DCC: variants seen among roughly 807,000 people sequenced by gnomAD.
DCC encodes the protein netrin receptor DCC.
In DCC, 58 loss-of-function variants were observed where a neutral mutation model predicts 172.5. The observed-to-expected ratio is 0.34, with a 90% CI of 0.27 to 0.42. The LOEUF (loss-of-function observed/expected upper bound fraction) is 0.42, where lower values mean the gene tolerates loss of function less well. Ranked by LOEUF, DCC falls within the 10% of genes least tolerant of loss-of-function variation. DCC has a pLI of 1.00. For synonymous variants in DCC, 709 were observed against 644.5 expected (o/e 1.10, Z -1.52); for missense variants, 1,740 against 1,791.0 (o/e 0.97, Z 0.51).
At chr18:52,866,934 G>GA (rs2039238265) in intron 2 of DCC, among the ~76,000 whole-genome samples, 1 of 152,194 alleles carries the variant, frequency 6.6e-6, no homozygotes, top group South Asian at 2.1e-4. Flanking sequence ...AGAGTCGTGA[G>GA]AGAAGGCATC....
chr18:52,713,382 A>G (rs1441863029), intron 1 of DCC, among the ~76,000 whole-genome samples: 1 of 152,226 alleles, frequency 6.6e-6, no homozygotes, highest in Middle Eastern at 3.2e-3. Context: ...CTGAACTTTA[A>G]TTCTACAAGG....
At chr18:53,461,876 T>C (rs1333126827) in intron 24 of DCC, among the ~76,000 whole-genome samples, 2 of 152,234 alleles carry the variant, frequency 1.3e-5, no homozygotes, top group East Asian at 3.8e-4. Context: ...TATTTGGCTC[T>C]AGGGACTGGG....
At chr18:53,276,108 A>G (rs1035321681) in intron 12 of DCC, among the ~76,000 whole-genome samples, 3 of 152,178 alleles carry the variant, frequency 2.0e-5, no homozygotes, top group Non-Finnish European at 4.4e-5. Flanking sequence ...TAGGATAGTT[A>G]TGAAATAGGC....
intron 9 of DCC, among the ~76,000 whole-genome samples, chr18:53,186,816 C>T (rs1029660606): frequency 6.6e-6 from 1 of 152,236 alleles, no homozygotes; most frequent in South Asian, 2.1e-4. Flanking sequence ...TGAGATTAAG[C>T]AGGTGTGGTG....
chr18:53,148,035 T>C (rs936111496), intron 7 of DCC, among the ~76,000 whole-genome samples: 31 of 152,222 alleles, frequency 2.0e-4, no homozygotes, highest in Admixed American at 2.0e-3. Flanking sequence ...ACTGGAAACA[T>C]TTAGTTGTTT....
intron 7 of DCC, among the ~76,000 whole-genome samples, chr18:53,118,920 T>C (rs1188245638): frequency 6.6e-6 from 1 of 151,808 alleles, no homozygotes; most frequent in African/African-American, 2.4e-5. Context: ...TTCTCTCTCT[T>C]TATCAGGTGA....
chr18:53,189,853 A>G (rs1019894903), intron 9 of DCC, among the ~76,000 whole-genome samples: 3 of 152,166 alleles, frequency 2.0e-5, no homozygotes, highest in African/African-American at 7.2e-5. Context: ...TTGGATTTCT[A>G]CTGTTTGACC....
At chr18:53,098,801 GT>G (rs1379649883) in intron 7 of DCC, among the ~76,000 whole-genome samples, 1 of 152,116 alleles carries the variant, frequency 6.6e-6, no homozygotes, top group East Asian at 1.9e-4. Context: ...GAGCCTAGTA[GT>G]TTGAGACCAG....
chr18:52,919,369 A>G (rs2145477805), intron 3 of DCC, among the ~76,000 whole-genome samples: 1 of 152,346 alleles, frequency 6.6e-6, no homozygotes, highest in East Asian at 1.9e-4. Context: ...TGTATGAACT[A>G]CTTACTATTA....
At chr18:53,005,627 C>A (rs1337613551) in intron 5 of DCC, among the ~76,000 whole-genome samples, 2 of 152,176 alleles carry the variant, frequency 1.3e-5, no homozygotes, top group Non-Finnish European at 2.9e-5. Flanking sequence ...ACTCGGGAGA[C>A]TGAGCCAGGA....
chr18:53,336,493 G>T (rs1233947777), intron 14 of DCC, among the ~76,000 whole-genome samples: 3 of 152,090 alleles, frequency 2.0e-5, no homozygotes, highest in Non-Finnish European at 2.9e-5. Context: ...TATTATGAAT[G>T]GCTTAGGTCT....
chr18:53,249,524 A>G (rs1196852242), intron 12 of DCC, among the ~76,000 whole-genome samples: 4 of 152,040 alleles, frequency 2.6e-5, no homozygotes, highest in East Asian at 1.9e-4. Flanking sequence ...AAAATTGATG[A>G]AGATAAAGTA....
chr18:52,810,738 A>G (rs577340289), intron 2 of DCC, among the ~76,000 whole-genome samples: 2 of 152,340 alleles, frequency 1.3e-5, no homozygotes, highest in African/African-American at 4.8e-5. Context: ...TATTTTTGAA[A>G]CAGGTGAAGG....
chr18:52,839,928 A>G (rs1402571977), intron 2 of DCC, among the ~76,000 whole-genome samples: 1 of 152,242 alleles, frequency 6.6e-6, no homozygotes, highest in African/African-American at 2.4e-5. Context: ...TAAATAAAAC[A>G]TAGTTCACTT....
intron 5 of DCC, among the ~76,000 whole-genome samples, chr18:52,943,430 G>A (rs1198963919): frequency 1.3e-5 from 2 of 152,136 alleles, no homozygotes; most frequent in African/African-American, 2.4e-5. Context: ...AGAAGTAGAA[G>A]GTGACATGGC....
intron 1 of DCC, among the ~76,000 whole-genome samples, chr18:52,632,061 T>G (rs942312721): frequency 6.6e-6 from 1 of 152,208 alleles, no homozygotes; most frequent in Non-Finnish European, 1.5e-5. Flanking sequence ...ATCTTTCTGA[T>G]GTCAACTTCA....
At chr18:52,363,766 C>T (rs1984723115) in intron 1 of DCC, among the ~76,000 whole-genome samples, 1 of 152,198 alleles carries the variant, frequency 6.6e-6, no homozygotes, top group African/African-American at 2.4e-5. Flanking sequence ...TAAATATTTG[C>T]TATCCAGGGC....
At chr18:53,470,717 A>C (rs1282889325) in intron 25 of DCC, among the ~76,000 whole-genome samples, 3 of 152,044 alleles carry the variant, frequency 2.0e-5, no homozygotes, top group Non-Finnish European at 2.9e-5. Flanking sequence ...ACAAGCCAGC[A>C]GGAAAGAGAG....
At chr18:52,496,854 A>C (rs2030772710) in intron 1 of DCC, among the ~76,000 whole-genome samples, 3 of 152,068 alleles carry the variant, frequency 2.0e-5, no homozygotes, top group Admixed American at 2.0e-4. Flanking sequence ...TAAAAAATAG[A>C]AGATTGTGCT....
Sources: gnomAD v4.1 joint callset for allele counts (sites outside exome capture counted in the v4.1 genomes callset) on GRCh38, gnomAD v4.1.1 for gene constraint, MANE v1.5 for transcripts, NCBI Gene and HGNC (gene_info 2026-07-23, HGNC 2026-07-21) for gene names.